TMEM232: variants seen among roughly 807,000 people sequenced by gnomAD.
TMEM232 encodes transmembrane protein 232.
TMEM232 carries 80 observed loss-of-function variants against 78.8 expected under a neutral mutation model. That is an observed-to-expected ratio of 1.01 (90% CI 0.85 to 1.22). TMEM232 has a LOEUF of 1.22. Ranked by LOEUF, TMEM232 falls within the 50% of genes most tolerant of loss-of-function variation. The pLI, the probability that TMEM232 is intolerant of heterozygous loss-of-function variation, is 0.00. For synonymous variants in TMEM232, 297 were observed against 254.3 expected (o/e 1.17, Z -1.60); for missense variants, 881 against 742.2 (o/e 1.19, Z -2.17).
At chr5:110,533,009 T>G (rs746422038) in intron 11 of TMEM232, among the ~76,000 whole-genome samples, 2 of 152,158 alleles carry the variant, frequency 1.3e-5, no homozygotes, top group Non-Finnish European at 2.9e-5. Flanking sequence ...GTTTTGCCTA[T>G]CCACCCTGTG....
intron 1 of TMEM232, chr5:110,684,908 CT>C (rs1793203947): frequency 6.6e-6 from 1 of 152,132 alleles, no homozygotes; most frequent in African/African-American, 2.4e-5. Flanking sequence ...CACACAGCTG[CT>C]TGTAAGCACC....
intron 11 of TMEM232, among the ~76,000 whole-genome samples, chr5:110,558,149 G>T (rs531733607): frequency 1.3e-5 from 2 of 152,232 alleles, no homozygotes; most frequent in Non-Finnish European, 2.9e-5. Flanking sequence ...ACTTGAAGTT[G>T]GGTACCTGCT....
chr5:110,725,837 T>C (rs569117135), intron 1 of TMEM232: 2 of 152,228 alleles, frequency 1.3e-5, no homozygotes, highest in East Asian at 1.9e-4. Context: ...AAACAGATAA[T>C]ATTAAAATTA....
chr5:110,540,102 C>G lies in TMEM232; in HGVS notation c.1456-11267G>C, dbSNP rs147999464. On this transcript the variant is annotated intron_variant, in intron 11 of 13. Transcript: ENST00000455884. ...AAGTTAAAAATAGGCTCTCACCCAG[C>G]TTCCGCTCTTGGCATCCAAGGCCTA... 4.7e-4 allele frequency among the ~76,000 whole-genome samples: 71 copies of G among 152,334 alleles called. No individual in the cohort carries two copies. The East Asian group carries it at 0.013, about 29-fold the overall frequency.
chr5:110,443,631 TC>T (rs1759305926), intron 12 of TMEM232, among the ~76,000 whole-genome samples: 1 of 152,116 alleles, frequency 6.6e-6, no homozygotes, highest in South Asian at 2.1e-4. Flanking sequence ...TCATCACCTT[TC>T]CCTCTGCTTT....
chr5:110,663,510 T>C (rs1043413618), intron 2 of TMEM232, among the ~76,000 whole-genome samples: 1 of 151,864 alleles, frequency 6.6e-6, no homozygotes, highest in Admixed American at 6.6e-5. Flanking sequence ...CAAAAATTAA[T>C]AAATCTAAGA....
intron 10 of TMEM232, among the ~76,000 whole-genome samples, chr5:110,603,232 G>A (rs1267893792): frequency 2.6e-5 from 4 of 152,018 alleles, no homozygotes; most frequent in South Asian, 2.1e-4. Context: ...AAACCACCAC[G>A]GCACATGTAT....
At chr5:110,522,615 T>C (rs998347774) in intron 12 of TMEM232, among the ~76,000 whole-genome samples, 1 of 152,186 alleles carries the variant, frequency 6.6e-6, no homozygotes, top group Non-Finnish European at 1.5e-5. Context: ...ACAGTTTTTA[T>C]CATAAAATGG....
At chr5:110,589,139 A>G (rs1006238671) in intron 10 of TMEM232, among the ~76,000 whole-genome samples, 21 of 152,166 alleles carry the variant, frequency 1.4e-4, no homozygotes, top group African/African-American at 5.1e-4. Flanking sequence ...AAGTCATCAA[A>G]AATAAATACT....
At chr5:110,457,644 T>C (rs1761045294) in intron 12 of TMEM232, among the ~76,000 whole-genome samples, 1 of 152,224 alleles carries the variant, frequency 6.6e-6, no homozygotes, top group South Asian at 2.1e-4. Flanking sequence ...ATCTATATAA[T>C]TAAATCTGCA....
At chr5:110,559,181 A>G (rs888596064) in intron 11 of TMEM232, among the ~76,000 whole-genome samples, 1 of 152,158 alleles carries the variant, frequency 6.6e-6, no homozygotes, top group Non-Finnish European at 1.5e-5. Context: ...TTTATATTAC[A>G]CAAAAAAAAT....
intron 12 of TMEM232, among the ~76,000 whole-genome samples, chr5:110,475,445 ATTTTT>A (rs61667699): frequency 1.6e-4 from 18 of 110,138 alleles, no homozygotes; most frequent in Admixed American, 3.2e-4. Flanking sequence ...TTATACTTTG[ATTTTT>A]TTTTTTTTTT....
chr5:110,738,092 G>A, upstream of TMEM232: 1 of 454,804 alleles, frequency 2.2e-6, no homozygotes, highest in Non-Finnish European at 3.4e-6. Context: ...GTTCGCATCT[G>A]GAAGATCGAG....
chr5:110,623,335 A>G (rs2149922222), intron 7 of TMEM232, among the ~76,000 whole-genome samples: 1 of 152,276 alleles, frequency 6.6e-6, no homozygotes, highest in Middle Eastern at 3.4e-3. Context: ...CTTTATTTCA[A>G]TGCATATAGG....
At chr5:110,471,939 A>T (rs996905409) in intron 12 of TMEM232, among the ~76,000 whole-genome samples, 2 of 152,066 alleles carry the variant, frequency 1.3e-5, no homozygotes, top group Non-Finnish European at 2.9e-5. Flanking sequence ...GGAAAGGATC[A>T]TAAAAGACTA....
chr5:110,421,620 G>A (rs1489457088), intron 13 of TMEM232, among the ~76,000 whole-genome samples: 1 of 151,990 alleles, frequency 6.6e-6, no homozygotes, highest in Non-Finnish European at 1.5e-5. Context: ...ATACACAAAT[G>A]ATCAGTCTAA....
intron 10 of TMEM232, among the ~76,000 whole-genome samples, chr5:110,570,575 T>C (rs184648433): frequency 1.3e-5 from 2 of 152,106 alleles, no homozygotes. Context: ...TTTAGAAGAC[T>C]TGTCCAATAG....
At chr5:110,619,329 T>C (rs1204839779) in intron 7 of TMEM232, among the ~76,000 whole-genome samples, 2 of 152,170 alleles carry the variant, frequency 1.3e-5, no homozygotes, top group Non-Finnish European at 2.9e-5. Flanking sequence ...AATTTCAAGA[T>C]AATTTTTATG....
intron 8 of TMEM232, among the ~76,000 whole-genome samples, chr5:110,615,455 C>T (rs188674166): frequency 3.1e-4 from 47 of 151,994 alleles, no homozygotes; most frequent in African/African-American, 1.0e-3. Context: ...AAAGAGTGCT[C>T]TCTGATCAGT....
Sources: gnomAD v4.1 joint callset for allele counts (sites outside exome capture counted in the v4.1 genomes callset) on GRCh38, gnomAD v4.1.1 for gene constraint, MANE v1.5 for transcripts, NCBI Gene and HGNC (gene_info 2026-07-23, HGNC 2026-07-21) for gene names.